Variants in CFHR2 observed in about 807,000 individuals in gnomAD.
CFHR2 encodes the protein complement factor H-related protein 2.
CFHR2 carries 22 observed loss-of-function variants against 21.7 expected under a neutral mutation model. The ratio of observed to expected loss-of-function variants is 1.01; its 90% confidence interval spans 0.72 to 1.45. CFHR2 has a LOEUF of 1.45. Ranked by LOEUF, CFHR2 falls within the 40% of genes most tolerant of loss-of-function variation. The probability of loss-of-function intolerance (pLI) is 0.00; values close to 1 mark genes in which losing one functional copy is unlikely to be tolerated. For synonymous variants in CFHR2, 98 were observed against 97.4 expected, an observed-to-expected ratio of 1.01 and a Z score of -0.04; for missense variants, 294 against 293.3, an observed-to-expected ratio of 1.00 and a Z score of -0.02.
At chr1:196,954,441 GT>G (rs1463284209) in intron 3 of CFHR2, among the ~76,000 whole-genome samples, 2 of 152,220 alleles carry the variant, frequency 1.3e-5, no homozygotes, top group African/African-American at 2.4e-5. Context: ...AGTACAAGCT[GT>G]TGGTGTATCT....
chr1:196,949,356 A>C (rs1659636586), intron 1 of CFHR2, 99 bp from the exon 2 acceptor site: 1 of 1,234,548 alleles, frequency 8.1e-7, no homozygotes, highest in African/African-American at 1.5e-5. Flanking sequence ...ATTTAAGCTA[A>C]ATGAAAGAAA....
chr1:196,945,022 A>T (rs1659425257), intron 1 of CFHR2, among the ~76,000 whole-genome samples: 1 of 147,348 alleles, frequency 6.8e-6, no homozygotes, highest in African/African-American at 2.5e-5. Context: ...GATTACAGGC[A>T]TGCACCACCA....
intron 1 of CFHR2, among the ~76,000 whole-genome samples, chr1:196,945,977 G>C (rs1216227496): frequency 6.6e-6 from 1 of 151,768 alleles, no homozygotes; most frequent in Non-Finnish European, 1.5e-5. Context: ...CTGCAAACCT[G>C]TACAGCATGT....
At chr1:196,945,180 A>T (rs1333496679) in intron 1 of CFHR2, among the ~76,000 whole-genome samples, 1 of 146,006 alleles carries the variant, frequency 6.8e-6, no homozygotes, top group Non-Finnish European at 1.5e-5. Flanking sequence ...CTAGCCCTTG[A>T]AATTCGTTTT....
chr1:196,957,112 C>CTGCTCTTTTT (rs1420151118), intron 3 of CFHR2, among the ~76,000 whole-genome samples: 1 of 152,078 alleles, frequency 6.6e-6, no homozygotes, highest in Non-Finnish European at 1.5e-5. Flanking sequence ...TCTTGTAAGG[C>CTGCTCTTTTT]TGCTCTTTTC....
chr1:196,957,148 G>A (rs919647010), intron 3 of CFHR2, among the ~76,000 whole-genome samples: 3 of 152,042 alleles, frequency 2.0e-5, no homozygotes, highest in African/African-American at 7.2e-5. Context: ...TAGAAAGTAG[G>A]CTCTTCTGGG....
intron 3 of CFHR2, among the ~76,000 whole-genome samples, chr1:196,956,414 G>GGTCA (rs1249971144): frequency 6.6e-6 from 1 of 152,130 alleles, no homozygotes; most frequent in Non-Finnish European, 1.5e-5. Flanking sequence ...TATGCCTTAT[G>GGTCA]GTCAGTCTGG....
chr1:196,949,736 A>G, intron 2 of CFHR2, 87 bp downstream of exon 2: 6 of 1,536,064 alleles, frequency 3.9e-6, no homozygotes, highest in Non-Finnish European at 9.0e-7. Flanking sequence ...CTTGATAATC[A>G]CAGGAGCAGT....
Position 196,950,870 on chromosome 1 carries a change from T to G in CFHR2, c.272T>G (p.Phe91Cys). 6.2e-7 allele frequency: 1 copy of G among 1,613,634 alleles called. No individual in the cohort carries two copies. The highest frequency in any genetic ancestry group is 8.5e-7 in the Non-Finnish European group (1 of 1,179,852). ...PKCLRLCFFP[F>C]VENGHSESSG... ...TCTTTAGGACTGTGTTTCTTTCCTT[T>G]TGTGGAAAATGGTCATTCTGAATCT... Residue 91 changes from phenylalanine to cysteine, a missense_variant, in exon 3 of 5, where the codon TTT becomes TGT. Phe to Cys is a radical substitution (Grantham distance 205, BLOSUM62 -2). Coordinates refer to ENST00000367415, the MANE Select transcript of CFHR2 (RefSeq NM_005666.4).
At chr1:196,951,459 T>C (rs1659723715) in intron 3 of CFHR2, among the ~76,000 whole-genome samples, 1 of 152,212 alleles carries the variant, frequency 6.6e-6, no homozygotes, top group African/African-American at 2.4e-5. Context: ...TCATCAATTC[T>C]TAAGTTTTAG....
chr1:196,944,711 G>C (rs1265403982), intron 1 of CFHR2, among the ~76,000 whole-genome samples: 7 of 151,844 alleles, frequency 4.6e-5, no homozygotes, highest in Admixed American at 2.6e-4. Flanking sequence ...TTTCCAAAAA[G>C]TTTTTACTTT....
At chr1:196,953,134 T>C (rs1313275749) in intron 3 of CFHR2, among the ~76,000 whole-genome samples, 5 of 152,218 alleles carry the variant, frequency 3.3e-5, no homozygotes, top group African/African-American at 1.2e-4. Flanking sequence ...TGGTAATCCA[T>C]GTTGCAGGGA....
chr1:196,956,839 G>A (rs1177282898), intron 3 of CFHR2, among the ~76,000 whole-genome samples: 1 of 151,974 alleles, frequency 6.6e-6, no homozygotes, highest in East Asian at 1.9e-4. Flanking sequence ...AGATATTTTA[G>A]GTGTTATATT....
At chr1:196,958,190 C>G in intron 4 of CFHR2, 117 bp downstream of exon 4, 1 of 991,104 alleles carries the variant, frequency 1.0e-6, no homozygotes, top group Non-Finnish European at 1.5e-6. Flanking sequence ...TGAATGCTTG[C>G]CTACCAAATG....
intron 1 of CFHR2, among the ~76,000 whole-genome samples, chr1:196,947,071 ATCAG>A (rs1213579591): frequency 6.6e-6 from 1 of 152,158 alleles, no homozygotes; most frequent in Non-Finnish European, 1.5e-5. Context: ...CACATGAGCG[ATCAG>A]TCATTGACCA....
chr1:196,949,041 C>G (rs1042504263), intron 1 of CFHR2, among the ~76,000 whole-genome samples: 2 of 152,084 alleles, frequency 1.3e-5, no homozygotes, highest in African/African-American at 4.8e-5. Flanking sequence ...GGTGGAGATA[C>G]CTATGACAGT....
Position 196,958,907 on chromosome 1 carries a change from A to G in CFHR2, c.640A>G (p.Met214Val). The G allele has an allele frequency of 6.3e-7, 1 of 1,589,570 alleles. No individual in the cohort carries two copies. The highest frequency in any genetic ancestry group is 8.6e-7 in the Non-Finnish European group (1 of 1,159,374). ...LDPCVISQEI[M>V]EKYNIKLKWT... ...TCCATGTGTAATATCACAAGAAATT[A>G]TGGAAAAATATAACATAAAATTAAA... is the stretch of plus-strand genomic sequence containing the variant. The change falls in exon 5 of 5, where the codon ATG (methionine) becomes GTG (valine). Residue 214 changes from methionine (M) to valine (V), a missense_variant. Coordinates refer to ENST00000367415, the MANE Select transcript of CFHR2 (RefSeq NM_005666.4).
intron 2 of CFHR2, 84 bp from the exon 3 acceptor site, chr1:196,950,768 C>T: frequency 2.7e-6 from 4 of 1,485,128 alleles, no homozygotes; most frequent in East Asian, 4.7e-5. Flanking sequence ...CCACTTCACC[C>T]TATTTATTAA....
intron 3 of CFHR2, among the ~76,000 whole-genome samples, chr1:196,951,792 A>C (rs987106032): frequency 6.6e-6 from 1 of 152,136 alleles, no homozygotes; most frequent in African/African-American, 2.4e-5. Flanking sequence ...TGACATTATT[A>C]GTCTCAACTA....
Sources: gnomAD v4.1 joint callset for allele counts (sites outside exome capture counted in the v4.1 genomes callset) on GRCh38, gnomAD v4.1.1 for gene constraint, MANE v1.5 for transcripts, NCBI Gene and HGNC (gene_info 2026-07-23, HGNC 2026-07-21) for gene names.